DCDC1: variants seen among roughly 807,000 people sequenced by gnomAD.
The protein encoded by DCDC1 is doublecortin domain containing 1, also known as doublecortin domain-containing protein 1.
DCDC1 carries 200 observed loss-of-function variants against 178.3 expected under a neutral mutation model. That is an observed-to-expected ratio of 1.12 (90% CI 1.00 to 1.26). The LOEUF (loss-of-function observed/expected upper bound fraction) is 1.26, where lower values mean the gene tolerates loss of function less well. Ranked by LOEUF, DCDC1 falls within the 50% of genes most tolerant of loss-of-function variation. The probability of loss-of-function intolerance (pLI) is 0.00; values close to 1 mark genes in which losing one functional copy is unlikely to be tolerated. For missense variants in DCDC1, 1,983 were observed against 1,749.2 expected, an observed-to-expected ratio of 1.13 and a Z score of -2.38; for synonymous variants, 690 against 604.8, an observed-to-expected ratio of 1.14 and a Z score of -2.07.
At chr11:30,880,435 A>T (rs273614) in intron 37 of DCDC1, among the ~76,000 whole-genome samples, 18 of 151,990 alleles carry the variant, frequency 1.2e-4, no homozygotes, top group African/African-American at 4.4e-4. Context: ...GTTTGCCTAC[A>T]TTACATACAA....
At chr11:31,222,988 G>A (rs573727203) in intron 9 of DCDC1, among the ~76,000 whole-genome samples, 28 of 151,980 alleles carry the variant, frequency 1.8e-4, no homozygotes, top group Non-Finnish European at 2.6e-4. Flanking sequence ...AATATAATTC[G>A]TGCTAATAAA....
At chr11:31,286,811 C>T (rs1310329546) in intron 7 of DCDC1, among the ~76,000 whole-genome samples, 1 of 152,036 alleles carries the variant, frequency 6.6e-6, no homozygotes, top group African/African-American at 2.4e-5. Context: ...TATACTTTTG[C>T]TATCAGAAGA....
At chr11:31,283,036 A>G (rs1483991797) in intron 7 of DCDC1, among the ~76,000 whole-genome samples, 1 of 152,164 alleles carries the variant, frequency 6.6e-6, no homozygotes, top group Non-Finnish European at 1.5e-5. Flanking sequence ...TGCTTACAGC[A>G]ATGTGATTTA....
chr11:31,197,985 G>A (rs1970877220), intron 9 of DCDC1, among the ~76,000 whole-genome samples: 1 of 151,998 alleles, frequency 6.6e-6, no homozygotes, highest in Non-Finnish European at 1.5e-5. Context: ...ATAAGTGCAA[G>A]TATTTTATGA....
In DCDC1 at chr11:31,087,285, G is replaced by T. The variant is rs1590997188; in HGVS notation, c.2237+4108C>A. On this transcript the variant is annotated intron_variant, in intron 17 of 38. Transcript: ENST00000684477. ...GAACAATCTGACTAGAGATTTATTA[G>T]TTTTTTTTAATCTTTTCAAAAAAAT... 2.0e-5 allele frequency among the ~76,000 whole-genome samples: 3 copies of T among 151,568 alleles called. No homozygotes were observed. In the South Asian group the frequency reaches 6.2e-4, roughly 32 times the overall value.
intron 9 of DCDC1, among the ~76,000 whole-genome samples, chr11:31,219,000 A>C (rs1973920664): frequency 6.6e-6 from 1 of 152,114 alleles, no homozygotes; most frequent in Admixed American, 6.6e-5. Context: ...TGAAGGAGTG[A>C]TCATAGCAAG....
At chr11:31,328,705 G>C (rs1191488352) in intron 2 of DCDC1, among the ~76,000 whole-genome samples, 2 of 151,644 alleles carry the variant, frequency 1.3e-5, no homozygotes, top group African/African-American at 2.4e-5. Flanking sequence ...CAGCTACTTG[G>C]GAGGCTGAGG....
intron 7 of DCDC1, chr11:31,280,646 T>C: frequency 8.3e-6 from 4 of 479,450 alleles, no homozygotes; most frequent in Non-Finnish European, 1.6e-5. Flanking sequence ...TGTTTTGTAA[T>C]AAATAAGGCA....
chr11:31,015,192 C>G (rs551810921), intron 20 of DCDC1, among the ~76,000 whole-genome samples: 1 of 152,128 alleles, frequency 6.6e-6, no homozygotes, highest in African/African-American at 2.4e-5. Context: ...TCGTGATCCA[C>G]CAGCCTCGGC....
chr11:31,303,334 C>T (rs966037749), intron 6 of DCDC1, among the ~76,000 whole-genome samples: 1 of 152,150 alleles, frequency 6.6e-6, no homozygotes, highest in Admixed American at 6.5e-5. Context: ...TAGAAAGATA[C>T]ATCATTAACA....
At chr11:31,226,036 T>C (rs190780463) in intron 9 of DCDC1, among the ~76,000 whole-genome samples, 358 of 152,220 alleles carry the variant, frequency 2.4e-3, no homozygotes, top group Non-Finnish European at 2.8e-3. Flanking sequence ...AGAATCTTGA[T>C]GATGTAATAC....
intron 20 of DCDC1, among the ~76,000 whole-genome samples, chr11:31,048,554 T>G (rs936115734): frequency 6.6e-6 from 1 of 152,074 alleles, no homozygotes; most frequent in African/African-American, 2.4e-5. Flanking sequence ...AGATAACAAG[T>G]CAGTTAAAAG....
intron 20 of DCDC1, among the ~76,000 whole-genome samples, chr11:31,013,272 G>A (rs895533737): frequency 1.1e-4 from 16 of 151,956 alleles, no homozygotes; most frequent in South Asian, 4.2e-4. Flanking sequence ...TTTCAAGAGC[G>A]CTCCACTGGA....
chr11:31,315,173 ACTC>A (rs1349033816), intron 3 of DCDC1, among the ~76,000 whole-genome samples: 1 of 151,668 alleles, frequency 6.6e-6, no homozygotes, highest in East Asian at 1.9e-4. Flanking sequence ...TTTGAAGAAA[ACTC>A]CTAGTAAAAT....
At chr11:31,358,983 G>T (rs964620800) in intron 1 of DCDC1, among the ~76,000 whole-genome samples, 1 of 152,198 alleles carries the variant, frequency 6.6e-6, no homozygotes, top group African/African-American at 2.4e-5. Context: ...TACACTGTTG[G>T]TGGGACTGTA....
At chr11:31,110,141 C>A in intron 12 of DCDC1, 119 bp downstream of exon 12, 1 of 595,774 alleles carries the variant, frequency 1.7e-6, no homozygotes, top group Admixed American at 2.8e-5. Flanking sequence ...TGATATCAGT[C>A]TTTACAGATC....
chr11:31,038,124 C>T (rs1217346503), intron 20 of DCDC1, among the ~76,000 whole-genome samples: 2 of 151,030 alleles, frequency 1.3e-5, no homozygotes, highest in South Asian at 2.1e-4. Context: ...ATGTAAATGA[C>T]GATTTAATGG....
chr11:30,995,225 T>C lies in DCDC1; in HGVS notation c.2592-42657A>G, dbSNP rs570964027. ...TTTTAAAATGTGTGCAGTATCTACG[T>C]GGTAAAAACTACAAACACTGATTTA... is the stretch of plus-strand genomic sequence containing the variant. On this transcript the variant is annotated intron_variant, in intron 20 of 38. Coordinates refer to ENST00000684477, the MANE Select transcript of DCDC1 (RefSeq NM_001387274.1). 3.9e-5 allele frequency among the ~76,000 whole-genome samples: 6 copies of C among 152,184 alleles called. No homozygotes were observed. The East Asian group carries it at 1.2e-3, about 29-fold the overall frequency.
intron 20 of DCDC1, among the ~76,000 whole-genome samples, chr11:31,034,441 A>C (rs1365777284): frequency 6.6e-6 from 1 of 152,192 alleles, no homozygotes; most frequent in Non-Finnish European, 1.5e-5. Context: ...GGACTCACCC[A>C]ATGCAACTTT....
Sources: gnomAD v4.1 joint callset for allele counts (sites outside exome capture counted in the v4.1 genomes callset) on GRCh38, gnomAD v4.1.1 for gene constraint, MANE v1.5 for transcripts, NCBI Gene and HGNC (gene_info 2026-07-23, HGNC 2026-07-21) for gene names.